Variants in CCDC171 observed in about 807,000 individuals in gnomAD.
CCDC171 encodes the protein coiled-coil domain-containing protein 171.
In CCDC171, 177 loss-of-function variants were observed where a neutral mutation model predicts 168.2. The observed-to-expected ratio is 1.05, with a 90% confidence interval of 0.93 to 1.19. CCDC171 has a LOEUF of 1.19. Ranked by LOEUF, CCDC171 falls within the 50% of genes most tolerant of loss-of-function variation. The pLI, the probability that CCDC171 is intolerant of heterozygous loss-of-function variation, is 0.00. For synonymous variants in CCDC171, 687 were observed against 540.8 expected (o/e 1.27, Z -3.75); for missense variants, 1,991 against 1,539.0 (o/e 1.29, Z -4.91).
intron 25 of CCDC171, among the ~76,000 whole-genome samples, chr9:15,947,556 CT>C (rs1828555076): frequency 6.6e-6 from 1 of 152,008 alleles, no homozygotes. Context: ...TTTTGTAGGG[CT>C]GAATAATATT....
chr9:15,770,540 G>T (rs2056961061), intron 18 of CCDC171, among the ~76,000 whole-genome samples: 1 of 152,062 alleles, frequency 6.6e-6, no homozygotes, highest in African/African-American at 2.4e-5. Context: ...AGTATCATTT[G>T]TCTAAATCAG....
chr9:15,905,871 G>A (rs200538128), intron 24 of CCDC171, among the ~76,000 whole-genome samples: 26 of 152,182 alleles, frequency 1.7e-4, no homozygotes, highest in African/African-American at 5.3e-4. Flanking sequence ...AATACAAACT[G>A]CCATCAGAGA....
chr9:15,862,025 C>T (rs951252838), intron 23 of CCDC171, among the ~76,000 whole-genome samples: 2 of 151,504 alleles, frequency 1.3e-5, no homozygotes, highest in Non-Finnish European at 2.9e-5. Context: ...AGATAGCATT[C>T]TTTTTCCCTT....
At chr9:15,647,702 G>A (rs1477927972) in intron 7 of CCDC171, among the ~76,000 whole-genome samples, 4 of 152,022 alleles carry the variant, frequency 2.6e-5, no homozygotes, top group Non-Finnish European at 5.9e-5. Flanking sequence ...ACCAGGAAGA[G>A]GTTGAATCCC....
chr9:15,945,569 A>T (rs1463972324), intron 25 of CCDC171, among the ~76,000 whole-genome samples: 2 of 132,620 alleles, frequency 1.5e-5, no homozygotes, highest in Non-Finnish European at 3.2e-5. Context: ...AATGATTGCC[A>T]TTCTAACTGG....
At chr9:15,650,993 G>T (rs1007543706) in intron 7 of CCDC171, among the ~76,000 whole-genome samples, 64 of 152,126 alleles carry the variant, frequency 4.2e-4, no homozygotes, top group African/African-American at 1.5e-3. Context: ...TAGTCAATCT[G>T]TCTTCCCTGC....
At chr9:16,008,855 T>C (rs900041515) in intron 3 of CCDC171, among the ~76,000 whole-genome samples, 2 of 152,164 alleles carry the variant, frequency 1.3e-5, no homozygotes, top group Non-Finnish European at 2.9e-5. Flanking sequence ...GCTATGCCCA[T>C]CTATAAAACA....
chr9:15,978,759 T>G (rs1476309357), downstream of CCDC171, among the ~76,000 whole-genome samples: 2 of 152,192 alleles, frequency 1.3e-5, no homozygotes, highest in Non-Finnish European at 2.9e-5. Context: ...TCACGTAACA[T>G]ACAATGTATC....
intron 25 of CCDC171, among the ~76,000 whole-genome samples, chr9:15,964,616 A>G (rs1160377863): frequency 1.3e-5 from 2 of 151,990 alleles, no homozygotes; most frequent in Non-Finnish European, 2.9e-5. Flanking sequence ...GCCACCTGGG[A>G]GAATTCTTCA....
chr9:15,588,487 C>A, intron 4 of CCDC171: 1 of 302,942 alleles, frequency 3.3e-6, no homozygotes, highest in Non-Finnish European at 6.7e-6. Context: ...TTTGCCCCTG[C>A]AAAGAAGGGA....
chr9:15,657,273 G>T (rs1361073199), intron 8 of CCDC171, 54 bp downstream of exon 8: 2 of 1,124,132 alleles, frequency 1.8e-6, no homozygotes, highest in African/African-American at 1.5e-5. Context: ...TGTTATAACA[G>T]CTGGGAAAAA....
intron 19 of CCDC171, among the ~76,000 whole-genome samples, chr9:15,778,253 C>T (rs1376731232): frequency 1.6e-4 from 22 of 134,158 alleles, no homozygotes; most frequent in African/African-American, 1.1e-4. Flanking sequence ...GCCGAGATTG[C>T]GCCACTGCAG....
chr9:15,967,836 C>G (rs1830955285), intron 25 of CCDC171, among the ~76,000 whole-genome samples: 1 of 152,158 alleles, frequency 6.6e-6, no homozygotes, highest in South Asian at 2.1e-4. Context: ...TTCTAGAAGA[C>G]TTAACTTGAT....
chr9:15,711,071 T>C (rs2052627779), intron 11 of CCDC171, among the ~76,000 whole-genome samples: 1 of 152,206 alleles, frequency 6.6e-6, no homozygotes, highest in Non-Finnish European at 1.5e-5. Flanking sequence ...GTAATGGAAA[T>C]GTTCTGTATC....
chr9:15,969,412 A>T (rs950707269), intron 25 of CCDC171, among the ~76,000 whole-genome samples: 1 of 152,202 alleles, frequency 6.6e-6, no homozygotes, highest in African/African-American at 2.4e-5. Context: ...TAAGTACAAC[A>T]TATAAGTTTG....
At chr9:16,069,847 G>T in the CCDC171 span, among the ~76,000 whole-genome samples, 2 of 152,148 alleles carry the variant, frequency 1.3e-5, no homozygotes, top group Non-Finnish European at 2.9e-5. Context: ...ACACACAAAA[G>T]AACCCACTCA....
At chr9:16,056,676 C>A (rs1833848102) in intron 1 of CCDC171, among the ~76,000 whole-genome samples, 1 of 152,032 alleles carries the variant, frequency 6.6e-6, no homozygotes, top group Admixed American at 6.6e-5. Flanking sequence ...TTAGTAGAGA[C>A]AGGGATTCAC....
chr9:15,779,517 G>A (rs899888689), intron 20 of CCDC171, among the ~76,000 whole-genome samples: 22 of 151,790 alleles, frequency 1.4e-4, no homozygotes, highest in Admixed American at 1.3e-3. Context: ...CTGCCACCAC[G>A]CCTGGCTAAT....
At chr9:15,758,755 G>A (rs565489135) in intron 18 of CCDC171, among the ~76,000 whole-genome samples, 2 of 152,210 alleles carry the variant, frequency 1.3e-5, no homozygotes, top group African/African-American at 4.8e-5. Flanking sequence ...TACTGTTCTC[G>A]TGGTAGTGAA....
Sources: gnomAD v4.1 joint callset for allele counts (sites outside exome capture counted in the v4.1 genomes callset) on GRCh38, gnomAD v4.1.1 for gene constraint, MANE v1.5 for transcripts, NCBI Gene and HGNC (gene_info 2026-07-23, HGNC 2026-07-21) for gene names.